Variants in CD99 observed in about 807,000 individuals in gnomAD.
CD99 encodes the protein CD99 antigen.
In CD99, 19 loss-of-function variants were observed where a neutral mutation model predicts 28.4. That is an observed-to-expected ratio of 0.67 (90% confidence interval 0.47 to 0.98). The LOEUF is 0.98. CD99 is among the 50% of genes least tolerant of loss of function. CD99 has a pLI of 0.00. For missense variants in CD99, 283 were observed against 248.8 expected (o/e 1.14, Z -0.92); for synonymous variants, 103 against 92.1 (o/e 1.12, Z -0.67).
At chrX:2,733,212 C>T in intron 8 of CD99, 2 of 828,000 alleles carry the variant, frequency 2.4e-6, no homozygotes, top group Admixed American at 4.3e-5. Context: ...ACACTTTGAG[C>T]CTCTATCCCA....
At chrX:2,739,100 C>T (rs1170151919) in intron 9 of CD99, among the ~76,000 whole-genome samples, 1 of 152,068 alleles carries the variant, frequency 6.6e-6, no homozygotes, top group Non-Finnish European at 1.5e-5. Flanking sequence ...CCATCCTGAG[C>T]TCAAGCAACC....
At chrX:2,728,740 A>G (rs1054990492) in intron 8 of CD99, among the ~76,000 whole-genome samples, 1 of 151,766 alleles carries the variant, frequency 6.6e-6, no homozygotes, top group Non-Finnish European at 1.5e-5. Flanking sequence ...AAACTGTTCA[A>G]CTCACAGCAT....
chrX:2,740,725 A>C, intron 9 of CD99, 54 bp from the exon 10 acceptor site: 1 of 1,591,882 alleles, frequency 6.3e-7, no homozygotes, highest in Non-Finnish European at 8.6e-7. Context: ...AACTGTGTCC[A>C]CGTGAGTGCT....
At chrX:2,703,043 C>G (rs1408149839) in intron 1 of CD99, among the ~76,000 whole-genome samples, 5 of 152,164 alleles carry the variant, frequency 3.3e-5, no homozygotes, top group African/African-American at 1.2e-4. Flanking sequence ...CCCGCCTGGG[C>G]TTCCCAAAAT....
chrX:2,717,659 AG>A lies in CD99; in HGVS notation c.148+10del. The A allele has an allele frequency of 6.2e-7, 1 of 1,612,782 alleles. No individual in the cohort carries two copies. Among genetic ancestry groups the A allele is most frequent in the Non-Finnish European group, 8.5e-7 (1 of 1,178,730 alleles). ...CCCAAGAAACCCAGTGCTGGTGAGA[AG>A]GGCTTCTTCCTAGTATGCAAAGAAA... is the stretch of plus-strand genomic sequence containing the variant. On this transcript the variant is annotated splice_region_variant and intron_variant, in intron 3 of 9. Coordinates refer to ENST00000381192, the MANE Select transcript of CD99 (RefSeq NM_002414.5).
intron 1 of CD99, among the ~76,000 whole-genome samples, chrX:2,694,849 G>A (rs2047498593): frequency 6.6e-6 from 1 of 152,062 alleles, no homozygotes; most frequent in Non-Finnish European, 1.5e-5. Context: ...TTTACACTTT[G>A]GAGATACTCA....
intron 1 of CD99, among the ~76,000 whole-genome samples, chrX:2,711,016 G>A (rs1384759797): frequency 1.3e-5 from 2 of 150,728 alleles, no homozygotes; most frequent in East Asian, 3.9e-4. Flanking sequence ...GATTACATGC[G>A]CATATCACCA....
At chrX:2,714,214 AT>A (rs1343401641) in intron 1 of CD99, among the ~76,000 whole-genome samples, 1 of 152,192 alleles carries the variant, frequency 6.6e-6, no homozygotes, top group Non-Finnish European at 1.5e-5. Flanking sequence ...GTCATCATTT[AT>A]TTAAAACCTA....
At chrX:2,736,725 T>C (rs900879531) in intron 8 of CD99, among the ~76,000 whole-genome samples, 3 of 151,656 alleles carry the variant, frequency 2.0e-5, no homozygotes, top group African/African-American at 4.8e-5. Context: ...GGCGTGGTGG[T>C]GCATGCCTGA....
intron 1 of CD99, chrX:2,691,717 C>A: frequency 1.4e-6 from 1 of 709,440 alleles, no homozygotes; most frequent in Non-Finnish European, 2.6e-6. Flanking sequence ...TTTTCCCAAT[C>A]TAGGGGACCT....
chrX:2,695,736 C>T (rs2047544378), intron 1 of CD99, among the ~76,000 whole-genome samples: 1 of 151,604 alleles, frequency 6.6e-6, no homozygotes, highest in Non-Finnish European at 1.5e-5. Context: ...CGGGCTCAGG[C>T]AATTCTCCTG....
chrX:2,691,475 CG>C, intron 1 of CD99, 48 bp downstream of exon 1: 1 of 1,543,344 alleles, frequency 6.5e-7, no homozygotes, highest in Non-Finnish European at 8.7e-7. Flanking sequence ...GGGCGCGGGC[CG>C]GGACTGGGGA....
At chrX:2,710,592 C>T (rs2048350337) in intron 1 of CD99, among the ~76,000 whole-genome samples, 1 of 151,440 alleles carries the variant, frequency 6.6e-6, no homozygotes. Flanking sequence ...AGTCTTCCTA[C>T]CTTTCTAAAG....
In CD99 at chrX:2,691,355, C is replaced by T. The variant is rs1269482312; in HGVS notation, c.-6C>T. ...CGGGACCGTCCCTGCGCGCTCTGGG[C>T]GCACCATGGCCCGCGGGGCTGCGCT... On this transcript the variant is annotated 5_prime_UTR_variant, in exon 1 of 10. Transcript: ENST00000381192. The T allele has an allele frequency of 5.8e-6, 9 of 1,564,336 alleles. No homozygotes were observed. The highest frequency in any genetic ancestry group is 7.7e-6 in the Non-Finnish European group (9 of 1,165,596).
At chrX:2,734,133 T>G (rs1010546205) in intron 8 of CD99, among the ~76,000 whole-genome samples, 1 of 152,194 alleles carries the variant, frequency 6.6e-6, no homozygotes, top group Non-Finnish European at 1.5e-5. Flanking sequence ...TCCTTCTGTT[T>G]CCAAAGTCCA....
chrX:2,721,679 A>G (rs2048999394), intron 5 of CD99, among the ~76,000 whole-genome samples: 4 of 152,206 alleles, frequency 2.6e-5, no homozygotes, highest in Admixed American at 2.6e-4. Context: ...CTTTTTGCTT[A>G]CTGATAGTCC....
chrX:2,738,333 G>T (rs2050048663), intron 9 of CD99, 77 bp downstream of exon 9: 2 of 1,381,506 alleles, frequency 1.4e-6, no homozygotes, highest in Admixed American at 1.7e-5. Context: ...CTCCCATCTT[G>T]CTGTCCTGCT....
At chrX:2,696,633 C>T (rs1179513536) in intron 1 of CD99, among the ~76,000 whole-genome samples, 1 of 152,136 alleles carries the variant, frequency 6.6e-6, no homozygotes, top group East Asian at 1.9e-4. Context: ...GAACTCCTGA[C>T]CTCAGGTGAT....
At chrX:2,707,132 C>A (rs1208398753) in intron 1 of CD99, among the ~76,000 whole-genome samples, 2 of 152,142 alleles carry the variant, frequency 1.3e-5, no homozygotes, top group African/African-American at 4.8e-5. Context: ...GAGTTTGAGA[C>A]CAGCCTGGCC....
Sources: allele counts gnomAD v4.1 joint callset (sites outside exome capture counted in the v4.1 genomes callset), GRCh38; gene constraint gnomAD v4.1.1; transcripts MANE v1.5; gene names NCBI Gene and HGNC (gene_info 2026-07-23, HGNC 2026-07-21).